Variants in FREM2 observed in about 807,000 individuals in gnomAD.
FREM2 encodes FRAS1 related extracellular matrix 2, also known as FRAS1-related extracellular matrix protein 2.
Under a neutral mutation model 219.9 loss-of-function variants are expected in FREM2, and 119 were observed. The ratio of observed to expected loss-of-function variants is 0.54; its 90% CI spans 0.47 to 0.63. The LOEUF (loss-of-function observed/expected upper bound fraction) is 0.63, where lower values mean the gene tolerates loss of function less well. FREM2 is among the 30% of genes least tolerant of loss of function. The pLI, the probability that FREM2 is intolerant of heterozygous loss-of-function variation, is 0.00. For synonymous variants in FREM2, 1,562 were observed against 1,522.8 expected, an observed-to-expected ratio of 1.03 and a Z score of -0.60; for missense variants, 4,030 against 3,993.6, an observed-to-expected ratio of 1.01 and a Z score of -0.25.
chr13:38,784,513 C>G (rs1196133491), intron 5 of FREM2, 44 bp from the exon 6 acceptor site: 2 of 1,607,478 alleles, frequency 1.2e-6, no homozygotes, highest in Non-Finnish European at 1.7e-6. Flanking sequence ...ATATCTTTGT[C>G]TTATGTTCTA....
chr13:38,729,790 T>TA (rs1452731215), intron 2 of FREM2, among the ~76,000 whole-genome samples: 1 of 152,214 alleles, frequency 6.6e-6, no homozygotes, highest in Non-Finnish European at 1.5e-5. Flanking sequence ...GGTGCATAAT[T>TA]AGAGTATTTA....
At chr13:38,725,445 G>A (rs958484152) in intron 2 of FREM2, among the ~76,000 whole-genome samples, 1 of 152,206 alleles carries the variant, frequency 6.6e-6, no homozygotes, top group Non-Finnish European at 1.5e-5. Context: ...CCTATCCAAA[G>A]CATGGTCAAA....
intron 1 of FREM2, among the ~76,000 whole-genome samples, chr13:38,694,429 A>G (rs1870020214): frequency 6.6e-6 from 1 of 152,212 alleles, no homozygotes; most frequent in South Asian, 2.1e-4. Context: ...GCTGTTATTT[A>G]TGGAGATTAG....
chr13:38,796,846 T>G (rs1228341886), intron 6 of FREM2, among the ~76,000 whole-genome samples: 1 of 151,850 alleles, frequency 6.6e-6, no homozygotes. Flanking sequence ...ATTTTTATAC[T>G]GTTTTTTCTG....
rs1365640207 is a variant in FREM2, at chr13:38,854,129, C to A, written c.6926-1997C>A. 3.1e-4 allele frequency among the ~76,000 whole-genome samples: 46 copies of A among 148,318 alleles called. No individual in the cohort carries two copies. The East Asian group carries it at 4.5e-3, about 15-fold the overall frequency. ...AGTGAGTTCTTTGCAAAAAAAAAAA[C>A]CAGAAAAAATTAAATATAGAAAAAA... On this transcript the variant is annotated intron_variant, in intron 11 of 23. Coordinates refer to ENST00000280481, the MANE Select transcript of FREM2 (RefSeq NM_207361.6).
At chr13:38,734,636 A>C (rs1324738974) in intron 2 of FREM2, among the ~76,000 whole-genome samples, 1 of 152,142 alleles carries the variant, frequency 6.6e-6, no homozygotes, top group Non-Finnish European at 1.5e-5. Context: ...ATTCATTTGA[A>C]TATAATAACA....
At chr13:38,855,415 T>C (rs1877517651) in intron 11 of FREM2, among the ~76,000 whole-genome samples, 1 of 152,194 alleles carries the variant, frequency 6.6e-6, no homozygotes, top group Admixed American at 6.5e-5. Context: ...TTGAGTCCTA[T>C]TGGTTTAGAA....
At chr13:38,825,168 C>T (rs945988339) in intron 6 of FREM2, among the ~76,000 whole-genome samples, 1 of 152,068 alleles carries the variant, frequency 6.6e-6, no homozygotes, top group Non-Finnish European at 1.5e-5. Flanking sequence ...ACTGCCAAGA[C>T]AACTGTGCAA....
intron 2 of FREM2, among the ~76,000 whole-genome samples, chr13:38,708,248 T>C (rs1870618743): frequency 6.6e-6 from 1 of 152,244 alleles, no homozygotes; most frequent in Non-Finnish European, 1.5e-5. Flanking sequence ...TAAATATTTA[T>C]TGAGTGAAGG....
intron 17 of FREM2, among the ~76,000 whole-genome samples, chr13:38,873,496 C>G (rs1044909317): frequency 5.9e-5 from 9 of 152,156 alleles, no homozygotes; most frequent in Non-Finnish European, 1.0e-4. Context: ...TTCTATTACT[C>G]TGGGGTACTT....
Position 38,692,499 on chromosome 13 carries a change from A to G in FREM2, c.5155A>G (p.Ile1719Val). 6.2e-7 allele frequency: 1 copy of G among 1,611,774 alleles called. No homozygotes were observed. Among genetic ancestry groups the G allele is most frequent in the South Asian group, 1.1e-5 (1 of 91,090 alleles). ...CAACCTGGACAAAGGCAACCACAGC[A>G]TCACTCAGTTCACACAAGGTATGTT... ...LLNLDKGNHS[I>V]TQFTQADIDD... is the part of the protein sequence containing the mutation. Residue 1719 changes from isoleucine to valine, a missense_variant, in exon 1 of 24, where the codon ATC becomes GTC. Physicochemically the swap from Ile to Val is conservative, Grantham distance 29 (BLOSUM62 3). Coordinates refer to ENST00000280481, the MANE Select transcript of FREM2 (RefSeq NM_207361.6).
rs976867466 is a variant in FREM2 at position 38,688,490 on chromosome 13, C to G, written c.1146C>G (p.Ser382=). Residue 382 remains serine (S), a synonymous_variant, in exon 1 of 24, where the codon TCC becomes TCG. Transcript: ENST00000280481. ...STDDRSLPLS[S]FTQRDLRLLK... ...ATGATCGCAGCCTGCCCCTTTCCTC[C>G]TTCACTCAGAGGGATCTGCGGCTCC... is the stretch of plus-strand genomic sequence containing the variant. 1.2e-6 allele frequency: 2 copies of G among 1,613,944 alleles called. No homozygotes were observed. The highest frequency in any genetic ancestry group is 2.7e-5 in the African/African-American group (2 of 74,904).
intron 6 of FREM2, among the ~76,000 whole-genome samples, chr13:38,803,106 G>A (rs1363792594): frequency 6.6e-6 from 1 of 152,140 alleles, no homozygotes; most frequent in Non-Finnish European, 1.5e-5. Flanking sequence ...GCTGCATCTA[G>A]TCAGCCCTCT....
rs747967654 is a variant in FREM2 at position 38,689,129 on chromosome 13, G to T, written c.1785G>T (p.Leu595=). 6.2e-7 allele frequency: 1 copy of T among 1,613,852 alleles called. No individual in the cohort carries two copies. Among genetic ancestry groups the T allele is most frequent in the Non-Finnish European group, 8.5e-7 (1 of 1,180,024 alleles). The stretch of plus-strand genomic sequence containing the variant: ...CTGACATGGATTCAGATGATTCTCT[G>T]CTGCTTTTTGTGCTGGAGTCACCCT... ...SATDMDSDDS[L]LLFVLESPFL... The change falls in exon 1 of 24, where the codon CTG becomes CTT. Residue 595 remains leucine (L), a synonymous_variant. Coordinates refer to ENST00000280481, the MANE Select transcript of FREM2 (RefSeq NM_207361.6).
intron 9 of FREM2, 70 bp from the exon 10 acceptor site, chr13:38,850,873 AT>A: frequency 6.4e-7 from 1 of 1,571,342 alleles, no homozygotes; most frequent in Non-Finnish European, 8.7e-7. Flanking sequence ...ACTTGCCCTT[AT>A]GGTGCTCACA....
chr13:38,796,671 A>G (rs552239824), intron 6 of FREM2, among the ~76,000 whole-genome samples: 41 of 152,290 alleles, frequency 2.7e-4, no homozygotes, highest in South Asian at 4.1e-4. Context: ...TCATCTGTCA[A>G]TGGACACTTA....
intron 6 of FREM2, among the ~76,000 whole-genome samples, chr13:38,812,123 T>A (rs977251391): frequency 6.6e-6 from 1 of 152,190 alleles, no homozygotes; most frequent in Non-Finnish European, 1.5e-5. Flanking sequence ...CTCCTGCTCT[T>A]TTTTGGTTTC....
At chr13:38,778,449 C>T (rs574154353) in intron 4 of FREM2, among the ~76,000 whole-genome samples, 2 of 152,244 alleles carry the variant, frequency 1.3e-5, no homozygotes, top group Admixed American at 1.3e-4. Flanking sequence ...GGACACTAAT[C>T]CCATCCTGAG....
At chr13:38,707,816 G>T (rs2138090607) in intron 2 of FREM2, among the ~76,000 whole-genome samples, 1 of 152,240 alleles carries the variant, frequency 6.6e-6, no homozygotes, top group South Asian at 2.1e-4. Flanking sequence ...TGCAGAAATG[G>T]CCAAAAATTA....
Sources: gnomAD v4.1 joint callset for allele counts (sites outside exome capture counted in the v4.1 genomes callset) on GRCh38, gnomAD v4.1.1 for gene constraint, MANE v1.5 for transcripts, NCBI Gene and HGNC (gene_info 2026-07-23, HGNC 2026-07-21) for gene names.